PDXDC1: variants seen among roughly 807,000 people sequenced by gnomAD.
The protein encoded by PDXDC1 is pyridoxal-dependent decarboxylase domain-containing protein 1.
A neutral mutation model predicts 100.1 loss-of-function variants in PDXDC1; 42 were observed. The ratio of observed to expected loss-of-function variants is 0.42; its 90% CI spans 0.33 to 0.54. The LOEUF is 0.54. Ranked by LOEUF, PDXDC1 falls within the 20% of genes least tolerant of loss-of-function variation. The probability of loss-of-function intolerance (pLI) is 0.10; values close to 1 mark genes in which losing one functional copy is unlikely to be tolerated. For missense variants in PDXDC1, 636 were observed against 979.2 expected (o/e 0.65, Z 4.68); for synonymous variants, 260 against 371.7 (o/e 0.70, Z 3.46).
At chr16:15,021,965 G>A (rs1407279864) in intron 12 of PDXDC1, among the ~76,000 whole-genome samples, 1 of 152,290 alleles carries the variant, frequency 6.6e-6, no homozygotes, top group South Asian at 2.1e-4. Context: ...CAGTTCCACT[G>A]ATGACAGTGT....
the PDXDC1 span, among the ~76,000 whole-genome samples, chr16:15,148,771 G>T: frequency 6.6e-6 from 1 of 152,064 alleles, no homozygotes; most frequent in Non-Finnish European, 1.5e-5. Context: ...TGACCTGCAG[G>T]TGCTCTCTGT....
intron 16 of PDXDC1, among the ~76,000 whole-genome samples, chr16:15,076,014 C>G (rs1468349163): frequency 2.0e-5 from 3 of 152,134 alleles, no homozygotes; most frequent in Admixed American, 6.5e-5. Context: ...AAGCTGGGAA[C>G]AAACTCTGTA....
Position 15,104,574 on chromosome 16 carries a change from G to T in PDXDC1, c.1400-34305G>T. 1.9e-6 allele frequency: 3 copies of T among 1,599,202 alleles called. No individual in the cohort carries two copies. In the South Asian group the frequency reaches 3.3e-5, roughly 18 times the overall value. ...TGTCTTGAGATTATCATCCGCTGAG[G>T]GTGGAAGGGGATAGAGCAGACACTC... On this transcript the variant is annotated intron_variant, in intron 16 of 16. Transcript: ENST00000535621.
intron 6 of PDXDC1, among the ~76,000 whole-genome samples, chr16:15,007,447 T>C (rs1340911147): frequency 1.3e-5 from 2 of 152,270 alleles, no homozygotes; most frequent in Non-Finnish European, 2.9e-5. Context: ...GTGCTGGGAT[T>C]ACAGGTGTGA....
chr16:15,001,912 G>C, intron 4 of PDXDC1, 56 bp downstream of exon 4: 1 of 1,446,932 alleles, frequency 6.9e-7, no homozygotes. Flanking sequence ...TTTCAGTAGT[G>C]ATTGCGCTCT....
At chr16:14,984,033 T>C (rs1968639951) in intron 1 of PDXDC1, among the ~76,000 whole-genome samples, 1 of 152,250 alleles carries the variant, frequency 6.6e-6, no homozygotes. Context: ...CTTGGTGGCA[T>C]GCACCTGTAG....
the PDXDC1 span, among the ~76,000 whole-genome samples, chr16:15,152,171 T>G: frequency 7.7e-6 from 1 of 130,442 alleles, no homozygotes; most frequent in African/African-American, 2.6e-5. Flanking sequence ...GCCCCGGCTG[T>G]CCTCCACCTG....
intron 16 of PDXDC1, among the ~76,000 whole-genome samples, chr16:15,069,735 G>C (rs1436592236): frequency 6.6e-6 from 1 of 152,162 alleles, no homozygotes; most frequent in African/African-American, 2.4e-5. Flanking sequence ...CAAAGAGAAG[G>C]TGCATCCAAC....
At chr16:15,000,072 G>A (rs1234696210) in intron 3 of PDXDC1, among the ~76,000 whole-genome samples, 2 of 152,288 alleles carry the variant, frequency 1.3e-5, no homozygotes, top group Non-Finnish European at 2.9e-5. Context: ...GGTGTGAAGT[G>A]CATTCTCAGC....
chr16:15,143,625 T>A (rs1470648597), downstream of PDXDC1, among the ~76,000 whole-genome samples: 2 of 152,098 alleles, frequency 1.3e-5, no homozygotes, highest in Non-Finnish European at 2.9e-5. Context: ...GCCCGGGAAG[T>A]CTTGTGGCTG....
Position 15,137,312 on chromosome 16 carries a change from G to A in PDXDC1, c.1400-1567G>A, listed in dbSNP as rs868584547. 8.4e-4 allele frequency: 1,024 copies of A among 1,212,530 alleles called. 8 individuals are homozygous for A. The East Asian group carries it at 8.9e-3, about 11-fold the overall frequency. The allele number at this position is 1,212,530 out of a possible 1,614,324, so 75.1% of individuals were successfully genotyped here. On this transcript the variant is annotated intron_variant, in intron 16 of 16. Coordinates refer to the PDXDC1 transcript ENST00000535621. ...GCCCCTACAGGTGGGGGCAGGAGGC[G>A]GCGGGGGGCCGGAGCAGAGGGACAG...
intron 1 of PDXDC1, among the ~76,000 whole-genome samples, chr16:14,992,455 G>A (rs1454778765): frequency 4.6e-5 from 7 of 152,278 alleles, no homozygotes; most frequent in Non-Finnish European, 8.8e-5. Context: ...CAGCAGTGAG[G>A]ATCGTCAGGA....
chr16:15,041,079 A>G (rs1430347885), downstream of PDXDC1: 3 of 1,599,216 alleles, frequency 1.9e-6, no homozygotes, highest in African/African-American at 2.7e-5. Flanking sequence ...AATGCCATAT[A>G]TTACTGGAAA....
intron 16 of PDXDC1, among the ~76,000 whole-genome samples, chr16:15,095,860 AGGT>A (rs1567236552): frequency 2.7e-5 from 2 of 75,224 alleles, no homozygotes; most frequent in Non-Finnish European, 6.5e-5. Flanking sequence ...AAAAAAAAAA[AGGT>A]GTGTGTGTGT....
chr16:15,038,782 A>G (rs1287416399), downstream of PDXDC1: 1 of 672,522 alleles, frequency 1.5e-6, no homozygotes, highest in Middle Eastern at 2.5e-4. Context: ...CCTTTCATGC[A>G]TTTATCTGCC....
At chr16:15,069,346 A>AG in intron 16 of PDXDC1, among the ~76,000 whole-genome samples, 1 of 152,326 alleles carries the variant, frequency 6.6e-6, no homozygotes, top group Non-Finnish European at 1.5e-5. Flanking sequence ...CAGGGTTCAG[A>AG]GACCCCGGTT....
intron 16 of PDXDC1, chr16:15,131,489 G>C: frequency 6.2e-7 from 1 of 1,607,086 alleles, no homozygotes; most frequent in Admixed American, 1.7e-5. Flanking sequence ...CCATAGCACA[G>C]CAGGCTCCGC....
intron 19 of PDXDC1, 30 bp from the exon 20 acceptor site, chr16:15,034,252 TAAAC>T: frequency 6.2e-7 from 1 of 1,600,594 alleles, no homozygotes; most frequent in Non-Finnish European, 8.6e-7. Flanking sequence ...GTGAGAACCT[TAAAC>T]AAGTAATGTC....
At chr16:15,025,886 C>A (rs1452719470) in intron 13 of PDXDC1, 1 of 152,436 alleles carries the variant, frequency 6.6e-6, no homozygotes, top group Non-Finnish European at 1.5e-5. Flanking sequence ...GCTGGATTAT[C>A]ATAATACATA....
Sources: gnomAD v4.1 joint callset for allele counts (sites outside exome capture counted in the v4.1 genomes callset) on GRCh38, gnomAD v4.1.1 for gene constraint, MANE v1.5 for transcripts, NCBI Gene and HGNC (gene_info 2026-07-23, HGNC 2026-07-21) for gene names.